Variants in SPMIP4 observed in about 807,000 individuals in gnomAD.
SPMIP4 encodes sperm-associated microtubule inner protein 4.
At chr7:25,144,546 A>G in the SPMIP4 span, among the ~76,000 whole-genome samples, 3 of 152,384 alleles carry the variant, frequency 2.0e-5, no homozygotes, top group South Asian at 2.1e-4. Context: ...GAAGATGGAC[A>G]TAAGGAAGAG....
chr7:25,142,243 G>C, the SPMIP4 span: 1 of 1,609,164 alleles, frequency 6.2e-7, no homozygotes. Context: ...TTACTTACCG[G>C]CTCTGGGTCA....
chr7:25,151,883 T>A, the SPMIP4 span, among the ~76,000 whole-genome samples: 8 of 152,334 alleles, frequency 5.3e-5, no homozygotes, highest in Non-Finnish European at 8.8e-5. Context: ...TCTTGCTATG[T>A]TTCCCAAGCT....
At chr7:25,170,153 C>T in the SPMIP4 span, among the ~76,000 whole-genome samples, 1 of 151,892 alleles carries the variant, frequency 6.6e-6, no homozygotes, top group Non-Finnish European at 1.5e-5. Flanking sequence ...ACATTCCTAC[C>T]AACATTGTAT....
At chr7:25,163,340 T>C in the SPMIP4 span, among the ~76,000 whole-genome samples, 12 of 152,170 alleles carry the variant, frequency 7.9e-5, no homozygotes, top group African/African-American at 2.7e-4. This position sits in a 1 kb window ranked among gnomAD's most constrained non-coding sequence, Gnocchi z 4.4. Flanking sequence ...GCCATATGTC[T>C]GTAAATGTAG....
the SPMIP4 span, among the ~76,000 whole-genome samples, chr7:25,146,430 G>A: frequency 6.6e-6 from 1 of 152,204 alleles, no homozygotes; most frequent in South Asian, 2.1e-4. Flanking sequence ...ATGGAGAGGT[G>A]CACTGTGGGC....
At chr7:25,161,187 AC>A in the SPMIP4 span, 1 of 1,527,094 alleles carries the variant, frequency 6.5e-7, no homozygotes, top group Non-Finnish European at 8.9e-7. Context: ...ACCCAGACTT[AC>A]AAAGAATCAT....
chr7:25,168,238 A>C, the SPMIP4 span: 6 of 1,526,798 alleles, frequency 3.9e-6, no homozygotes, highest in Non-Finnish European at 5.3e-6. Context: ...ATGGAAGTAA[A>C]GAAAAATGGA....
chr7:25,175,926 G>C, the SPMIP4 span, among the ~76,000 whole-genome samples: 2 of 152,106 alleles, frequency 1.3e-5, no homozygotes, highest in Admixed American at 6.5e-5. Context: ...TTTTAAGAGG[G>C]GGTTAAGAGG....
the SPMIP4 span, among the ~76,000 whole-genome samples, chr7:25,136,959 C>A: frequency 6.6e-6 from 1 of 152,216 alleles, no homozygotes; most frequent in East Asian, 1.9e-4. The surrounding 1 kb of genome is among the most constrained non-coding windows in gnomAD (Gnocchi z 5.7). Flanking sequence ...AATTTGGGTC[C>A]AAATACATTT....
At chr7:25,138,105 T>C in the SPMIP4 span, among the ~76,000 whole-genome samples, 90,923 of 151,722 alleles carry the variant, frequency 0.6, 28,438 homozygotes, top group Non-Finnish European at 0.69. The surrounding 1 kb of genome is among the most constrained non-coding windows in gnomAD (Gnocchi z 6.2). Flanking sequence ...AGTTATGATC[T>C]TTTTAATGCC....
the SPMIP4 span, among the ~76,000 whole-genome samples, chr7:25,141,936 C>T: frequency 6.6e-6 from 1 of 152,114 alleles, no homozygotes; most frequent in East Asian, 1.9e-4. Flanking sequence ...CAGAGTTTCA[C>T]CATATTGGCC....
chr7:25,132,954 G>A, the SPMIP4 span, among the ~76,000 whole-genome samples: 1 of 151,862 alleles, frequency 6.6e-6, no homozygotes, highest in South Asian at 2.1e-4. This position sits in a 1 kb window ranked among gnomAD's most constrained non-coding sequence, Gnocchi z 5.0. Context: ...TTACATGTGT[G>A]CAATTTATTC....
At chr7:25,136,671 A>G in the SPMIP4 span, 6 of 1,614,060 alleles carry the variant, frequency 3.7e-6, no homozygotes, top group African/African-American at 5.3e-5. This position sits in a 1 kb window ranked among gnomAD's most constrained non-coding sequence, Gnocchi z 5.7. Context: ...TAGGAGTACA[A>G]TCTGGACAGG....
chr7:25,142,321 T>C, the SPMIP4 span: 2 of 1,608,190 alleles, frequency 1.2e-6, no homozygotes, highest in Admixed American at 1.7e-5. Context: ...AGGGGGTCCA[T>C]GGGCCCCAGA....
the SPMIP4 span, chr7:25,179,965 A>C: frequency 6.6e-6 from 1 of 152,456 alleles, no homozygotes; most frequent in African/African-American, 2.4e-5. Context: ...GGGGGTCTGG[A>C]CATACCTGGG....
the SPMIP4 span, chr7:25,125,964 T>G: frequency 3.0e-6 from 3 of 985,216 alleles, no homozygotes; most frequent in Non-Finnish European, 3.6e-6. Context: ...AGAGACAGGA[T>G]TATCCCTCTG....
At chr7:25,150,065 T>C in the SPMIP4 span, among the ~76,000 whole-genome samples, 1 of 152,128 alleles carries the variant, frequency 6.6e-6, no homozygotes. Flanking sequence ...GGCATGAACC[T>C]GTTTGGGAAC....
the SPMIP4 span, chr7:25,135,160 A>C: frequency 9.2e-5 from 35 of 380,052 alleles, no homozygotes; most frequent in Admixed American, 1.9e-4. Flanking sequence ...TAGAGAACAC[A>C]CTCCAGAAAT....
At chr7:25,158,777 G>A in the SPMIP4 span, among the ~76,000 whole-genome samples, 1 of 151,782 alleles carries the variant, frequency 6.6e-6, no homozygotes, top group South Asian at 2.1e-4. Context: ...AGGCATGGTG[G>A]TGCATGCCTG....
Sources: allele counts gnomAD v4.1 joint callset (sites outside exome capture counted in the v4.1 genomes callset), GRCh38; gene constraint gnomAD v4.1.1; non-coding constraint Gnocchi (gnomAD v3.1); transcripts MANE v1.5; gene names NCBI Gene and HGNC (gene_info 2026-07-23, HGNC 2026-07-21).